ZFHX3: variants seen among roughly 807,000 people sequenced by gnomAD.
The protein encoded by ZFHX3 is zinc finger homeobox 3, also known as zinc finger homeobox protein 3.
In ZFHX3, 42 loss-of-function variants were observed where a neutral mutation model predicts 279.1. That is an observed-to-expected ratio of 0.15 (90% CI 0.12 to 0.19). The LOEUF is 0.19. Among genes scored for constraint, ZFHX3 ranks in the 10% least tolerant of loss-of-function variants. ZFHX3 has a pLI of 1.00. For synonymous variants in ZFHX3, 2,293 were observed against 1,957.8 expected (o/e 1.17, Z -4.52); for missense variants, 4,981 against 4,754.0 (o/e 1.05, Z -1.40).
At chr16:73,420,714 C>T (rs576672142) in intron 3 of ZFHX3, 1 of 152,136 alleles carries the variant, frequency 6.6e-6, no homozygotes, top group East Asian at 1.9e-4. Flanking sequence ...TACCAAGGAC[C>T]GCTGGAATTT....
At chr16:73,153,346 G>A (rs968517083) in intron 5 of ZFHX3, among the ~76,000 whole-genome samples, 5 of 152,104 alleles carry the variant, frequency 3.3e-5, no homozygotes, top group Non-Finnish European at 5.9e-5. Flanking sequence ...CTCAAACTCC[G>A]GCTCAAAGAC....
intron 1 of ZFHX3, among the ~76,000 whole-genome samples, chr16:73,683,973 A>G (rs889606839): frequency 1.6e-4 from 24 of 152,258 alleles, no homozygotes; most frequent in African/African-American, 5.3e-4. Context: ...GAAGGAAAGC[A>G]GTAGCTGTGT....
chr16:73,523,717 C>G (rs1217071067), intron 2 of ZFHX3, among the ~76,000 whole-genome samples: 1 of 151,158 alleles, frequency 6.6e-6, no homozygotes, highest in African/African-American at 2.4e-5. Flanking sequence ...TTCACTTCTT[C>G]CTGAATTTCC....
In ZFHX3 at chr16:73,672,044, G is replaced by GA. The variant is rs147887473; in HGVS notation, c.-1547+8135dup. ...CAAGAATGAGGGACAGATCTGAGGG[G>GA]AAAAAAAATACATAAAAGGAAACAC... On this transcript the variant is annotated intron_variant, in intron 2 of 17. Transcript: ENST00000641206. Among the ~76,000 whole-genome samples, 233 of 149,802 alleles carry GA rather than the reference G, an allele frequency of 1.6e-3. 1 individual carries two copies. Among genetic ancestry groups the GA allele is most frequent in the Middle Eastern group, 6.8e-3 (2 of 292 alleles).
chr16:73,755,641 T>G (rs1240306296), intron 1 of ZFHX3, among the ~76,000 whole-genome samples: 2 of 152,152 alleles, frequency 1.3e-5, no homozygotes, highest in African/African-American at 4.8e-5. Flanking sequence ...AACTGGGAAT[T>G]GTCCTGACAG....
At chr16:73,056,466 C>T (rs1033763097) in intron 1 of ZFHX3, among the ~76,000 whole-genome samples, 5 of 152,118 alleles carry the variant, frequency 3.3e-5, no homozygotes, top group African/African-American at 1.2e-4. Flanking sequence ...ACCCCTAGGT[C>T]TCCTGAATAC....
At chr16:72,845,984 A>T (rs995379473) in intron 4 of ZFHX3, among the ~76,000 whole-genome samples, 2 of 152,194 alleles carry the variant, frequency 1.3e-5, no homozygotes, top group Non-Finnish European at 2.9e-5. Context: ...CCTTCACAGG[A>T]GAACACACAC....
At chr16:73,347,393 T>C (rs928064555) in intron 3 of ZFHX3, among the ~76,000 whole-genome samples, 4 of 152,228 alleles carry the variant, frequency 2.6e-5, no homozygotes, top group Admixed American at 2.6e-4. Flanking sequence ...GGATACCCAG[T>C]CGTGGAAACA....
At chr16:73,527,960 T>C (rs535952846) in intron 2 of ZFHX3, among the ~76,000 whole-genome samples, 2 of 152,330 alleles carry the variant, frequency 1.3e-5, no homozygotes, top group East Asian at 3.9e-4. Flanking sequence ...TAGATGCTTG[T>C]TGTTGTTTCT....
At chr16:73,288,324 C>T (rs946843609) in intron 4 of ZFHX3, among the ~76,000 whole-genome samples, 13 of 152,096 alleles carry the variant, frequency 8.5e-5, no homozygotes, top group African/African-American at 2.7e-4. Context: ...AGAAGCTGGA[C>T]ATCCCTCCAT....
At chr16:73,123,594 C>T (rs868375147) in intron 7 of ZFHX3, 1 of 151,926 alleles carries the variant, frequency 6.6e-6, no homozygotes, top group Non-Finnish European at 1.5e-5. Flanking sequence ...CCAACCCAAA[C>T]TGCCAGCCTC....
intron 1 of ZFHX3, among the ~76,000 whole-genome samples, chr16:73,768,664 A>T (rs1336213848): frequency 6.6e-6 from 1 of 152,192 alleles, no homozygotes; most frequent in Admixed American, 6.5e-5. Context: ...TTCTGTTTAC[A>T]CTATGTAAAT....
chr16:72,880,665 A>G (rs2038441270), intron 4 of ZFHX3, among the ~76,000 whole-genome samples: 1 of 152,226 alleles, frequency 6.6e-6, no homozygotes, highest in African/African-American at 2.4e-5. Flanking sequence ...GGTTGAAACA[A>G]CAGATGGCCC....
At chr16:73,648,534 C>T (rs559545122) in intron 2 of ZFHX3, among the ~76,000 whole-genome samples, 3 of 152,118 alleles carry the variant, frequency 2.0e-5, no homozygotes, top group Non-Finnish European at 4.4e-5. Flanking sequence ...GGATTACAGA[C>T]GTGCACAACC....
Position 72,814,231 on chromosome 16 carries a change from T to C in ZFHX3, c.3530-2193A>G, listed in dbSNP as rs75601767. On this transcript the variant is annotated intron_variant, in intron 5 of 9. Transcript: ENST00000268489. The stretch of plus-strand genomic sequence containing the variant: ...TTTCCAGTAGAGGCAAACTAAGACA[T>C]AGATTCTATTCCATACACCCATCCC... Among the ~76,000 whole-genome samples the C allele has an allele frequency of 4.7e-3, 720 of 152,276 alleles. 11 individuals carry two copies. Among genetic ancestry groups the C allele is most frequent in the African/African-American group, 0.016 (654 of 41,558 alleles).
At chr16:73,117,706 T>A (rs941855570) in intron 7 of ZFHX3, among the ~76,000 whole-genome samples, 1 of 152,176 alleles carries the variant, frequency 6.6e-6, no homozygotes, top group Non-Finnish European at 1.5e-5. Context: ...CATGTTAAAA[T>A]CCTAACCCCT....
intron 1 of ZFHX3, among the ~76,000 whole-genome samples, chr16:73,733,035 T>A (rs542139393): frequency 6.6e-6 from 1 of 152,232 alleles, no homozygotes; most frequent in African/African-American, 2.4e-5. Context: ...TGTTAGGTGA[T>A]GCTTTTTTAC....
At chr16:73,134,419 G>T (rs1269190598) in intron 6 of ZFHX3, 1 of 134,434 alleles carries the variant, frequency 7.4e-6, no homozygotes, top group Non-Finnish European at 1.5e-5. Context: ...TCACGGCTCA[G>T]TCCTGGTCTC....
chr16:73,888,733 C>G (rs891599803), intron 1 of ZFHX3, among the ~76,000 whole-genome samples: 9 of 152,122 alleles, frequency 5.9e-5, no homozygotes, highest in African/African-American at 2.2e-4. Flanking sequence ...GGGCAGCTTT[C>G]CGGGTGGATG....
Sources: gnomAD v4.1 joint callset for allele counts (sites outside exome capture counted in the v4.1 genomes callset) on GRCh38, gnomAD v4.1.1 for gene constraint, MANE v1.5 for transcripts, NCBI Gene and HGNC (gene_info 2026-07-23, HGNC 2026-07-21) for gene names.